The following THPO variants were observed in gnomAD, a reference collection of about 807,000 sequenced individuals.
The protein encoded by THPO is thrombopoietin.
A neutral mutation model predicts 17.0 loss-of-function variants in THPO; 12 were observed. The ratio of observed to expected loss-of-function variants is 0.71; its 90% CI spans 0.45 to 1.14. THPO has a LOEUF of 1.14. THPO is among the 50% of genes most tolerant of loss of function. The pLI is 0.00. For synonymous variants in THPO, 188 were observed against 183.0 expected, an observed-to-expected ratio of 1.03 and a Z score of -0.22; for missense variants, 365 against 427.5, an observed-to-expected ratio of 0.85 and a Z score of 1.29.
At position 184,372,987 on chromosome 3, in the gene THPO, T is replaced by C; in HGVS notation, c.588A>G (p.Pro196=). ...TSLVLTLNEL[P]NRTSGLLETN... Reference sequence around the variant, plus strand: ...TCTCCAACAATCCAGAAGTCCTGTTTGGGAGCTCGTTCAGTGTGAGGACTA... The same window carrying C: ...TCTCCAACAATCCAGAAGTCCTGTTCGGGAGCTCGTTCAGTGTGAGGACTA... The change falls in exon 6 of 6, where the codon CCA becomes CCG. Residue 196 remains proline (P), a synonymous_variant. Coordinates refer to ENST00000647395, the MANE Select transcript of THPO (RefSeq NM_000460.4). The C allele has an allele frequency of 6.2e-7, 1 of 1,614,136 alleles. No homozygotes were observed. The highest frequency in any genetic ancestry group is 8.5e-7 in the Non-Finnish European group (1 of 1,180,008).
rs1336994707 is a variant in THPO, at chr3:184,372,463, G to A, written c.*50C>T. 1 of 1,610,650 alleles carries A rather than the reference G, an allele frequency of 6.2e-7. No individual in the cohort carries two copies. Among genetic ancestry groups the A allele is most frequent in the South Asian group, 1.1e-5 (1 of 90,946 alleles). ...TTGTCTCCCAGGGGCGCCCTGCAGG[G>A]AAGGGAGCTGTACACGAGACAATGC... On this transcript the variant is annotated 3_prime_UTR_variant, in exon 6 of 6. Coordinates refer to ENST00000647395, the MANE Select transcript of THPO (RefSeq NM_000460.4).
chr3:184,378,184 C>T lies in THPO; in HGVS notation c.-255G>A. 1.0e-6 allele frequency: 1 copy of T among 985,498 alleles called. No homozygotes were observed. Among genetic ancestry groups the T allele is most frequent in the Non-Finnish European group, 1.2e-6 (1 of 829,986 alleles). The allele number at this position is 985,498 out of a possible 1,614,324, so 61.0% of individuals were successfully genotyped here. A position where few individuals can be genotyped will look rare whatever the true frequency, so the allele number is the denominator to read the frequency against. ...GCACAGCCCCTCCACAGCAGCAGGT[C>T]ATACGCCTGCCTGGGCCACTTCTGC... On this transcript the variant is annotated 5_prime_UTR_variant, in exon 1 of 6. The change abolishes an upstream ATG in the 5' untranslated region. Coordinates refer to ENST00000647395, the MANE Select transcript of THPO (RefSeq NM_000460.4).
rs35794435 is a variant in THPO, at chr3:184,372,545, T to C, written c.1030A>G (p.Thr344Ala). ...TCCTGAGACAGATTCTGGGAGTGGGTGTAGGATGTGTTTAGAAGAGGGCTG... is the reference window on the plus strand; with the variant it reads ...TCCTGAGACAGATTCTGGGAGTGGGCGTAGGATGTGTTTAGAAGAGGGCTG... ...PTSPLLNTSY[T>A]HSQNLSQEG Residue 344 changes from threonine (T) to alanine (A), a missense_variant, in exon 6 of 6, where the codon ACC becomes GCC. Thr to Ala is a moderately conservative substitution (Grantham distance 58, BLOSUM62 0). Transcript: ENST00000647395. 1.3e-3 allele frequency: 2,059 copies of C among 1,613,244 alleles called. 25 individuals carry two copies. In the African/African-American group the frequency reaches 0.023, roughly 18 times the overall value.
In THPO at chr3:184,375,921, C is replaced by A. The variant is rs764311338; in HGVS notation, c.108G>T (p.Leu36=). The change falls in exon 3 of 6, where the codon CTG becomes CTT. Residue 36 remains leucine (L), a synonymous_variant. Transcript: ENST00000647395. The part of the protein sequence containing the change: ...PACDLRVLSK[L]LRDSHVLHSR... ...TGTGAAGGACATGGGAGTCACGAAG[C>A]AGTTTACTGAGGACTCGGAGGTCAC... 3.7e-6 allele frequency: 6 copies of A among 1,613,406 alleles called. No individual in the cohort carries two copies. Among genetic ancestry groups the A allele is most frequent in the East Asian group, 2.2e-5 (1 of 44,866 alleles).
chr3:184,373,364 G>T lies in THPO; in HGVS notation c.396+51C>A, dbSNP rs748680873. 84 of 1,607,644 alleles carry T rather than the reference G, an allele frequency of 5.2e-5. No homozygotes were observed. In the South Asian group the frequency reaches 8.8e-4, roughly 17 times the overall value. ...CTTCTTCCCTCAGGTCTTCTAGGGGGACTGAGTCAGAAAAGAACAGTTTCT... is the reference window on the plus strand; with the variant it reads ...CTTCTTCCCTCAGGTCTTCTAGGGGTACTGAGTCAGAAAAGAACAGTTTCT... On this transcript the variant is annotated intron_variant, in intron 5 of 5. Coordinates refer to ENST00000647395, the MANE Select transcript of THPO (RefSeq NM_000460.4).
upstream of THPO, among the ~76,000 whole-genome samples, chr3:184,379,348 G>T (rs536120410): frequency 6.6e-6 from 1 of 152,236 alleles, no homozygotes; most frequent in South Asian, 2.1e-4. Flanking sequence ...GTGAAGGAAG[G>T]GGGTGAGAAA....
chr3:184,377,458 G>A (rs1475588931), intron 1 of THPO, among the ~76,000 whole-genome samples: 9 of 152,100 alleles, frequency 5.9e-5, no homozygotes, highest in South Asian at 2.1e-4. Context: ...TGTCTTAGGC[G>A]CCCACTAACA....
chr3:184,372,893 T>C lies in THPO; in HGVS notation c.682A>G (p.Lys228Glu), dbSNP rs1316191816. The change falls in exon 6 of 6, where the codon AAG becomes GAG. Residue 228 changes from lysine to glutamate, a missense_variant. By Grantham distance (56) the Lys-to-Glu change is moderately conservative. Coordinates refer to ENST00000647395, the MANE Select transcript of THPO (RefSeq NM_000460.4). ...GTTTGGTTCAGCAGACCAGGAATCT[T>C]GGCTCTGAATCCCTGCTGCCACTTC... ...LLKWQQGFRA[K>E]IPGLLNQTSR... is the part of the protein sequence containing the mutation. 1 of 1,614,020 alleles carries C rather than the reference T, an allele frequency of 6.2e-7. No individual in the cohort carries two copies. Among genetic ancestry groups the C allele is most frequent in the Non-Finnish European group, 8.5e-7 (1 of 1,180,028 alleles).
In THPO at chr3:184,372,478, C is replaced by T. The variant is rs6141; in HGVS notation, c.*35G>A. 0.55 allele frequency: 886,196 copies of T among 1,612,896 alleles called. 252,407 individuals are homozygous for T. The highest frequency in any genetic ancestry group is 0.92 in the African/African-American group (69,263 of 75,006). On this transcript the variant is annotated 3_prime_UTR_variant, in exon 6 of 6. Coordinates refer to ENST00000647395, the MANE Select transcript of THPO (RefSeq NM_000460.4). ...GCCCTGCAGGGAAGGGAGCTGTACA[C>T]GAGACAATGCTGATGTCGGCAGTGT... is the stretch of plus-strand genomic sequence containing the variant.
At chr3:184,373,694 A>G in intron 4 of THPO, 112 bp from the exon 5 acceptor site, 1 of 1,251,002 alleles carries the variant, frequency 8.0e-7, no homozygotes, top group Non-Finnish European at 1.1e-6. Flanking sequence ...AGAACTGGAC[A>G]GGACCAAGGT....
intron 3 of THPO, 70 bp from the exon 4 acceptor site, chr3:184,375,671 G>C: frequency 6.5e-7 from 1 of 1,547,328 alleles, no homozygotes. Context: ...TAATAAGCAG[G>C]CTAGTCCTCC....
chr3:184,374,350 A>C (rs1714209735), intron 4 of THPO, among the ~76,000 whole-genome samples: 1 of 152,228 alleles, frequency 6.6e-6, no homozygotes, highest in Admixed American at 6.5e-5. Context: ...TCAGTCCTGA[A>C]GGAAGAAGGG....
At chr3:184,373,271 G>A in intron 5 of THPO, 93 bp from the exon 6 acceptor site, 1 of 1,576,360 alleles carries the variant, frequency 6.3e-7, no homozygotes, top group Non-Finnish European at 8.7e-7. Flanking sequence ...CAGTACCCAG[G>A]CATTGTGGCT....
In THPO at chr3:184,373,411, T is replaced by C. The variant is rs1392961776; in HGVS notation, c.396+4A>G. 1.9e-6 allele frequency: 3 copies of C among 1,613,950 alleles called. No individual in the cohort carries two copies. The East Asian group carries it at 6.7e-5, about 36-fold the overall frequency. On this transcript the variant is annotated splice_donor_region_variant and intron_variant, in intron 5 of 5. Transcript: ENST00000647395. Reference sequence around the variant, plus strand: ...TTCTACAGATCCCTTGACTGGGGACTTACCTGGGTTCCAAGGAGGCTCTGC... The same window carrying C: ...TTCTACAGATCCCTTGACTGGGGACCTACCTGGGTTCCAAGGAGGCTCTGC...
chr3:184,373,073 C>T lies in THPO; in HGVS notation c.502G>A (p.Gly168Arg). The T allele has an allele frequency of 6.2e-7, 1 of 1,614,000 alleles. No homozygotes were observed. The highest frequency in any genetic ancestry group is 8.5e-7 in the Non-Finnish European group (1 of 1,180,006). ...GCCCGCCTGACGCAGAGGGTGGACC[C>T]TCCTACAAGCATCAGGAAACGCACC... Reference protein sequence around the residue: ...GKVRFLMLVGGSTLCVRRAPP... With the variant: ...GKVRFLMLVGRSTLCVRRAPP... Residue 168 changes from glycine to arginine, a missense_variant, in exon 6 of 6, where the codon GGG becomes AGG. Coordinates refer to ENST00000647395, the MANE Select transcript of THPO (RefSeq NM_000460.4).
chr3:184,375,684 G>T (rs1714328028), intron 3 of THPO, 83 bp from the exon 4 acceptor site: 2 of 1,500,730 alleles, frequency 1.3e-6, no homozygotes, highest in South Asian at 1.1e-5. Context: ...AGTCCTCCAT[G>T]AGTACTATCT....
Position 184,376,457 on chromosome 3 carries a change from C to T in THPO, c.-145-53G>A. On this transcript the variant is annotated intron_variant, in intron 1 of 5. Transcript: ENST00000647395. ...TAACCAAGTTTCTAGGAAGAGACTG[C>T]CTGGCAGGGTGAACAGATGCTGGGG... 3.4e-6 allele frequency: 5 copies of T among 1,459,126 alleles called. No individual in the cohort carries two copies. In the South Asian group the frequency reaches 6.9e-5, roughly 20 times the overall value. 90.4% of individuals were successfully genotyped at this position (1,459,126 alleles called of 1,614,324 possible).
intron 4 of THPO, 66 bp downstream of exon 4, chr3:184,375,449 C>T: frequency 6.7e-7 from 1 of 1,502,084 alleles, no homozygotes; most frequent in South Asian, 1.1e-5. Flanking sequence ...TTGGAGAATC[C>T]ATGGGAAGCA....
At position 184,372,549 on chromosome 3, in the gene THPO, G is replaced by T; in HGVS notation, c.1026C>A (p.Ser342=). 1 of 1,614,144 alleles carries T rather than the reference G, an allele frequency of 6.2e-7. No individual in the cohort carries two copies. Among genetic ancestry groups the T allele is most frequent in the Non-Finnish European group, 8.5e-7 (1 of 1,180,018 alleles). The change falls in exon 6 of 6, where the codon TCC becomes TCA. Residue 342 remains serine, a synonymous_variant. Transcript: ENST00000647395. ...GAGACAGATTCTGGGAGTGGGTGTA[G>T]GATGTGTTTAGAAGAGGGCTGGTAG... ...PTPTSPLLNT[S]YTHSQNLSQE...
Sources: gnomAD v4.1 joint callset for allele counts (sites outside exome capture counted in the v4.1 genomes callset) on GRCh38, gnomAD v4.1.1 for gene constraint, MANE v1.5 for transcripts, NCBI Gene and HGNC (gene_info 2026-07-23, HGNC 2026-07-21) for gene names.